Variants in LRRC69 observed in about 807,000 individuals in gnomAD.
LRRC69 encodes the protein leucine-rich repeat-containing protein 69.
A neutral mutation model predicts 37.8 loss-of-function variants in LRRC69; 42 were observed. The observed-to-expected ratio is 1.11, with a 90% CI of 0.87 to 1.44. The LOEUF is 1.44. LRRC69 is among the 40% of genes most tolerant of loss of function. The probability of loss-of-function intolerance (pLI) is 0.00; values close to 1 mark genes in which losing one functional copy is unlikely to be tolerated. For missense variants in LRRC69, 357 were observed against 401.9 expected (o/e 0.89, Z 0.96); for synonymous variants, 141 against 143.1 (o/e 0.99, Z 0.11).
At chr8:91,120,655 G>A (rs1813602397) in intron 1 of LRRC69, among the ~76,000 whole-genome samples, 1 of 152,108 alleles carries the variant, frequency 6.6e-6, no homozygotes, top group South Asian at 2.1e-4. Context: ...TCCAAGAAGG[G>A]CGCAGGAGAA....
chr8:91,193,749 C>T (rs1208315396), intron 6 of LRRC69, among the ~76,000 whole-genome samples: 165 of 139,754 alleles, frequency 1.2e-3, no homozygotes, highest in Non-Finnish European at 7.2e-4. Context: ...AGATTTTGGG[C>T]TGAGACAATG....
At chr8:91,153,537 A>G (rs955585271) in intron 5 of LRRC69, among the ~76,000 whole-genome samples, 2 of 152,104 alleles carry the variant, frequency 1.3e-5, no homozygotes, top group African/African-American at 4.8e-5. Flanking sequence ...GTGCAATCAA[A>G]TTAGAACTCA....
chr8:91,215,211 T>C (rs1810021593), intron 7 of LRRC69, among the ~76,000 whole-genome samples: 1 of 152,152 alleles, frequency 6.6e-6, no homozygotes, highest in Non-Finnish European at 1.5e-5. Flanking sequence ...AATTAGGATG[T>C]GGACATCTTT....
intron 5 of LRRC69, among the ~76,000 whole-genome samples, chr8:91,168,386 A>G (rs988343463): frequency 6.6e-6 from 1 of 151,886 alleles, no homozygotes; most frequent in African/African-American, 2.4e-5. Flanking sequence ...TCCTCTCCTG[A>G]ACTACTTCCA....
intron 2 of LRRC69, among the ~76,000 whole-genome samples, chr8:91,126,743 T>C (rs920403173): frequency 1.3e-5 from 2 of 151,998 alleles, no homozygotes; most frequent in Non-Finnish European, 1.5e-5. Context: ...TAAGATATTA[T>C]AAATACGAAA....
In LRRC69 at chr8:91,203,678, C is replaced by T. The variant is rs1045858330; in HGVS notation, c.933+2886C>T. Among the ~76,000 whole-genome samples the T allele has an allele frequency of 4.6e-5, 7 of 151,824 alleles. No individual in the cohort carries two copies. The East Asian group carries it at 1.2e-3, about 26-fold the overall frequency. ...CCTCCCAAAGTGCTGGGATTACAAG[C>T]GTAAGCCACTGCGCCCAGCCTCAGT... On this transcript the variant is annotated intron_variant, in intron 7 of 7. Coordinates refer to ENST00000448384, the Ensembl canonical transcript of LRRC69.
chr8:91,190,281 T>TA (rs748746014), intron 6 of LRRC69, among the ~76,000 whole-genome samples: 56 of 151,896 alleles, frequency 3.7e-4, no homozygotes, highest in Non-Finnish European at 7.4e-4. Context: ...TTTTTTTTTT[T>TA]AATTAAATTA....
At chr8:91,142,168 A>T (rs1808543285) in intron 5 of LRRC69, among the ~76,000 whole-genome samples, 1 of 152,014 alleles carries the variant, frequency 6.6e-6, no homozygotes, top group Non-Finnish European at 1.5e-5. Context: ...GAAAAAGATG[A>T]CCTGACAAAA....
chr8:91,158,787 A>G, intron 5 of LRRC69: 1 of 773,186 alleles, frequency 1.3e-6, no homozygotes, highest in Non-Finnish European at 2.4e-6. Context: ...GAAAAAAGAG[A>G]AAAACCAATG....
At chr8:91,111,089 C>T (rs1256471821) in intron 1 of LRRC69, among the ~76,000 whole-genome samples, 1 of 152,046 alleles carries the variant, frequency 6.6e-6, no homozygotes, top group Non-Finnish European at 1.5e-5. Context: ...AGATGATTCA[C>T]ACACAGACCC....
At chr8:91,192,005 C>G (rs1809505793) in intron 6 of LRRC69, among the ~76,000 whole-genome samples, 1 of 121,638 alleles carries the variant, frequency 8.2e-6, no homozygotes, top group South Asian at 3.3e-4. Flanking sequence ...CTCCCCCCAC[C>G]CCACAACAGT....
chr8:91,169,938 G>C (rs557500164), intron 5 of LRRC69, among the ~76,000 whole-genome samples: 8 of 108,006 alleles, frequency 7.4e-5, no homozygotes, highest in Admixed American at 2.6e-4. Context: ...GGACATTTGG[G>C]TTGGTTCCAA....
At chr8:91,194,741 T>C (rs1167827675) in intron 6 of LRRC69, among the ~76,000 whole-genome samples, 1 of 152,190 alleles carries the variant, frequency 6.6e-6, no homozygotes, top group Non-Finnish European at 1.5e-5. Context: ...TCTTTTTTTC[T>C]TTATTAGTCT....
intron 6 of LRRC69, among the ~76,000 whole-genome samples, chr8:91,196,744 T>G (rs979339899): frequency 2.7e-5 from 4 of 150,220 alleles, no homozygotes; most frequent in African/African-American, 9.7e-5. Context: ...TTATACATTC[T>G]TCTAAATTTT....
intron 6 of LRRC69, among the ~76,000 whole-genome samples, chr8:91,197,801 C>G (rs1809641180): frequency 6.6e-6 from 1 of 152,082 alleles, no homozygotes; most frequent in Non-Finnish European, 1.5e-5. Flanking sequence ...AATCACCCGT[C>G]TTCTGTGTCG....
chr8:91,115,317 T>C (rs1015395083), intron 1 of LRRC69, among the ~76,000 whole-genome samples: 4 of 151,890 alleles, frequency 2.6e-5, no homozygotes, highest in Admixed American at 2.6e-4. Context: ...TATTCAGAGG[T>C]TGAAAACACA....
chr8:91,202,434 A>G (rs934060234), intron 7 of LRRC69, among the ~76,000 whole-genome samples: 1 of 152,168 alleles, frequency 6.6e-6, no homozygotes, highest in African/African-American at 2.4e-5. Flanking sequence ...CCCATAACCA[A>G]TGGGTTTCAC....
At chr8:91,197,299 G>T (rs1405905360) in intron 6 of LRRC69, among the ~76,000 whole-genome samples, 2 of 152,282 alleles carry the variant, frequency 1.3e-5, no homozygotes, top group Non-Finnish European at 1.5e-5. Context: ...CTTTTTGTTT[G>T]TCTGTGCCCT....
At chr8:91,134,724 T>G (rs1563599843) in intron 4 of LRRC69, among the ~76,000 whole-genome samples, 2 of 152,076 alleles carry the variant, frequency 1.3e-5, no homozygotes, top group African/African-American at 2.4e-5. Context: ...AACTGTTTGC[T>G]CTTAATGGAA....
Sources: allele counts gnomAD v4.1 joint callset (sites outside exome capture counted in the v4.1 genomes callset), GRCh38; gene constraint gnomAD v4.1.1; transcripts MANE v1.5; gene names NCBI Gene and HGNC (gene_info 2026-07-23, HGNC 2026-07-21).